MICALL1: variants seen among roughly 807,000 people sequenced by gnomAD.
The protein encoded by MICALL1 is MICAL-like protein 1.
MICALL1 carries 61 observed loss-of-function variants against 83.7 expected under a neutral mutation model. The ratio of observed to expected loss-of-function variants is 0.73; its 90% CI spans 0.59 to 0.90. MICALL1 has a LOEUF of 0.90. Among genes scored for constraint, MICALL1 ranks in the 40% least tolerant of loss-of-function variants. MICALL1 has a pLI of 0.00. For missense variants in MICALL1, 1,066 were observed against 1,152.0 expected (o/e 0.93, Z 1.08); for synonymous variants, 481 against 473.6 (o/e 1.02, Z -0.20).
At position 37,925,713 on chromosome 22, in the gene MICALL1, C is replaced by T. The variant is rs1181174358; in HGVS notation, c.1135C>T (p.Pro379Ser). 1 of 1,611,162 alleles carries T rather than the reference C, an allele frequency of 6.2e-7. No individual in the cohort carries two copies. ...PPWITLVQAEPKKKPAPLPPS... is the reference protein window; with the variant it reads ...PPWITLVQAESKKKPAPLPPS... Reference sequence around the variant, plus strand: ...ATGGATCACGCTGGTGCAGGCAGAACCAAAGAAGAAGCCAGCCCCACTTCC... The same window carrying T: ...ATGGATCACGCTGGTGCAGGCAGAATCAAAGAAGAAGCCAGCCCCACTTCC... Residue 379 changes from proline to serine, a missense_variant, in exon 8 of 16, where the codon CCA (proline) becomes TCA (serine). Transcript: ENST00000215957.
At chr22:37,912,528 C>A in intron 3 of MICALL1, 36 bp downstream of exon 3, 1 of 1,557,052 alleles carries the variant, frequency 6.4e-7, no homozygotes, top group South Asian at 1.2e-5. Flanking sequence ...GGAGGCTGGC[C>A]CAGGGGGTGG....
intron 1 of MICALL1, among the ~76,000 whole-genome samples, chr22:37,909,179 A>G (rs1265132564): frequency 6.6e-6 from 1 of 151,882 alleles, no homozygotes; most frequent in African/African-American, 2.4e-5. Context: ...CAGCCTCCCA[A>G]GTAGCTGGGA....
intron 15 of MICALL1, among the ~76,000 whole-genome samples, chr22:37,940,421 A>C (rs1302003558): frequency 1.4e-5 from 2 of 143,282 alleles, no homozygotes; most frequent in African/African-American, 2.7e-5. Context: ...ACTCAGTCTC[A>C]AAAAAAAAAA....
At chr22:37,938,912 C>T (rs1462318695) in intron 15 of MICALL1, among the ~76,000 whole-genome samples, 4 of 152,076 alleles carry the variant, frequency 2.6e-5, no homozygotes, top group Non-Finnish European at 5.9e-5. Flanking sequence ...TGCGCCCGGC[C>T]CTGGCTAATT....
At chr22:37,937,418 CT>C (rs34844677) in intron 14 of MICALL1, among the ~76,000 whole-genome samples, 1,632 of 113,410 alleles carry the variant, frequency 0.014, 19 homozygotes, top group African/African-American at 0.048. Context: ...GCTGCCGCTG[CT>C]TTTTTTTTTT....
At chr22:37,921,566 T>TC (rs977018396) in intron 5 of MICALL1, among the ~76,000 whole-genome samples, 1 of 152,104 alleles carries the variant, frequency 6.6e-6, no homozygotes, top group Admixed American at 6.6e-5. Flanking sequence ...AGAGTGAGAC[T>TC]CCATCTCAAA....
rs1358299893 is a variant in MICALL1 at position 37,913,756 on chromosome 22, T to C, written c.337+1264T>C. 5.9e-5 allele frequency among the ~76,000 whole-genome samples: 9 copies of C among 152,250 alleles called. No individual in the cohort carries two copies. The East Asian group carries it at 1.7e-3, about 29-fold the overall frequency. On this transcript the variant is annotated intron_variant, in intron 3 of 15. Transcript: ENST00000215957. ...ACAGCAGACAAACTGAACAGCTGGG[T>C]TGAGAATCCAGGTGTCCTGAATCCA... is the stretch of plus-strand genomic sequence containing the variant.
chr22:37,938,457 CTTT>C (rs757450191), intron 15 of MICALL1, among the ~76,000 whole-genome samples: 1 of 118,528 alleles, frequency 8.4e-6, no homozygotes, highest in Admixed American at 8.4e-5. Flanking sequence ...TTTTTCTTTT[CTTT>C]TTTTTTTTTT....
In MICALL1 at chr22:37,932,849, A is replaced by T. The variant is rs753218230; in HGVS notation, c.2195A>T (p.Lys732Met). Reference protein sequence around the residue: ...LVDWFKLIHEKHLLVRRESEL... With the variant: ...LVDWFKLIHEMHLLVRRESEL... The stretch of plus-strand genomic sequence containing the variant: ...GACTGGTTCAAGCTCATCCACGAGA[A>T]GCACCTACTGGTGCGGCGAGAGTCC... Residue 732 changes from lysine to methionine, a missense_variant, in exon 12 of 16, where the codon AAG becomes ATG. Lys to Met is a moderately conservative substitution (Grantham distance 95). Coordinates refer to ENST00000215957, the MANE Select transcript of MICALL1 (RefSeq NM_033386.4). This position sits in a 1 kb window ranked among gnomAD's most constrained non-coding sequence, Gnocchi z 4.4. The T allele has an allele frequency of 1.2e-6, 2 of 1,614,106 alleles. No homozygotes were observed. Among genetic ancestry groups the T allele is most frequent in the Non-Finnish European group, 1.7e-6 (2 of 1,180,026 alleles).
In MICALL1 at chr22:37,919,160, A is replaced by T. The variant is rs1027406245; in HGVS notation, c.551A>T (p.Tyr184Phe). The change falls in exon 5 of 16, where the codon TAC (tyrosine) becomes TTC (phenylalanine). Residue 184 changes from tyrosine (Y) to phenylalanine (F), a missense_variant. Coordinates refer to ENST00000215957, the MANE Select transcript of MICALL1 (RefSeq NM_033386.4). ...VQRYLADGRL[Y>F]HRHCFRCRRC... ...CGCTACCTGGCTGACGGCAGGCTGT[A>T]CCATCGCCACTGCTTCCGGTGAGTG... is the stretch of plus-strand genomic sequence containing the variant. The T allele has an allele frequency of 6.5e-7, 1 of 1,543,586 alleles. No homozygotes were observed.
At chr22:37,922,954 G>A (rs1929189280) in intron 6 of MICALL1, among the ~76,000 whole-genome samples, 1 of 145,082 alleles carries the variant, frequency 6.9e-6, no homozygotes, top group Non-Finnish European at 1.5e-5. Context: ...TATTATTTTT[G>A]AGATGGAATC....
chr22:37,907,547 C>T (rs560100413), intron 1 of MICALL1: 1 of 152,386 alleles, frequency 6.6e-6, no homozygotes, highest in African/African-American at 2.4e-5. Flanking sequence ...GAGTTCTGGT[C>T]CCTACCCCTT....
intron 5 of MICALL1, 95 bp from the exon 6 acceptor site, chr22:37,921,877 G>C (rs1929052498): frequency 8.2e-7 from 1 of 1,214,868 alleles, no homozygotes; most frequent in Middle Eastern, 2.7e-4. Flanking sequence ...TGGGAGGAGG[G>C]AAGGGAGGAG....
At chr22:37,937,900 G>A in intron 15 of MICALL1, 108 bp downstream of exon 15, 2 of 1,406,646 alleles carry the variant, frequency 1.4e-6, no homozygotes, top group Non-Finnish European at 2.0e-6. Flanking sequence ...TACCAGGATG[G>A]CTGTGCACAA....
At chr22:37,935,179 G>A (rs1425473195) in intron 13 of MICALL1, among the ~76,000 whole-genome samples, 31 of 145,220 alleles carry the variant, frequency 2.1e-4, no homozygotes, top group South Asian at 6.7e-4. Flanking sequence ...TGATCCACCC[G>A]CCTCCGCCTC....
At chr22:37,907,072 A>G (rs1928007864) in intron 1 of MICALL1, 1 of 152,614 alleles carries the variant, frequency 6.6e-6, no homozygotes, top group African/African-American at 2.4e-5. Context: ...TCCGGACAGT[A>G]GCACAGTTCC....
In MICALL1 at chr22:37,930,198, TG is replaced by T. The variant is rs1929713472; in HGVS notation, c.1882-1600del. ...TTTGAGGGGCTCAGGGGCTTTGGGC[TG>T]CTTGGCTCTGCTGGCCCCTCTGGGT... On this transcript the variant is annotated intron_variant, in intron 9 of 15. Coordinates refer to ENST00000215957, the MANE Select transcript of MICALL1 (RefSeq NM_033386.4). The surrounding 1 kb of genome is among the most constrained non-coding windows in gnomAD (Gnocchi z 4.8). Among the ~76,000 whole-genome samples the T allele has an allele frequency of 6.6e-6, 1 of 152,204 alleles. No individual in the cohort carries two copies. Among genetic ancestry groups the T allele is most frequent in the African/African-American group, 2.4e-5 (1 of 41,452 alleles).
chr22:37,920,105 A>G (rs1928932954), intron 5 of MICALL1, among the ~76,000 whole-genome samples: 1 of 152,092 alleles, frequency 6.6e-6, no homozygotes, highest in Admixed American at 6.6e-5. Flanking sequence ...GACTACAGGC[A>G]TGTGCTACCA....
At chr22:37,912,164 A>G (rs1928371159) in intron 2 of MICALL1, among the ~76,000 whole-genome samples, 164 bp downstream of exon 2, 1 of 151,980 alleles carries the variant, frequency 6.6e-6, no homozygotes, top group Non-Finnish European at 1.5e-5. Context: ...CTCCTCATGC[A>G]TGGAGCACCA....
Sources: gnomAD v4.1 joint callset for allele counts (sites outside exome capture counted in the v4.1 genomes callset) on GRCh38, gnomAD v4.1.1 for gene constraint, Gnocchi (gnomAD v3.1) non-coding constraint, MANE v1.5 for transcripts, NCBI Gene and HGNC (gene_info 2026-07-23, HGNC 2026-07-21) for gene names.